FLNB: variants seen among roughly 807,000 people sequenced by gnomAD.
The protein encoded by FLNB is filamin B.
In FLNB, 111 loss-of-function variants were observed where a neutral mutation model predicts 250.6. The observed-to-expected ratio is 0.44, with a 90% CI of 0.38 to 0.52. The LOEUF (loss-of-function observed/expected upper bound fraction) is 0.52. Among genes scored for constraint, FLNB ranks in the 20% least tolerant of loss-of-function variants. FLNB has a pLI of 0.00. For synonymous variants in FLNB, 1,302 were observed against 1,372.1 expected, an observed-to-expected ratio of 0.95 and a Z score of 1.13; for missense variants, 2,869 against 3,447.8, an observed-to-expected ratio of 0.83 and a Z score of 4.20.
chr3:58,057,798 A>AT (rs1398147969), intron 1 of FLNB, among the ~76,000 whole-genome samples: 10 of 151,248 alleles, frequency 6.6e-5, no homozygotes, highest in South Asian at 2.1e-4. Flanking sequence ...AGTCGAGTGG[A>AT]TTTTTTTTTG....
In FLNB at chr3:58,134,602, G is replaced by A. The variant is rs760134060; in HGVS notation, c.4515-14G>A. 1.9e-6 allele frequency: 3 copies of A among 1,613,706 alleles called. No homozygotes were observed. Among genetic ancestry groups the A allele is most frequent in the Non-Finnish European group, 2.5e-6 (3 of 1,179,640 alleles). On this transcript the variant is annotated splice_polypyrimidine_tract_variant and intron_variant, in intron 26 of 45. Transcript: ENST00000295956. ...TCTTTATTGACTAGGGTGTGTGTGTGTGTGTCTATCAAGTCCCTTCAAGGT... is the reference window on the plus strand; with the variant it reads ...TCTTTATTGACTAGGGTGTGTGTGTATGTGTCTATCAAGTCCCTTCAAGGT...
Position 58,125,612 on chromosome 3 carries a change from C to T in FLNB, c.3930C>T (p.Asp1310=), listed in dbSNP as rs150901141. 6.0e-5 allele frequency: 97 copies of T among 1,614,158 alleles called. No homozygotes were observed. The highest frequency in any genetic ancestry group is 6.9e-5 in the Non-Finnish European group (82 of 1,180,036). ...ATGTAGTGGAGGTGACATATGATGA[C>T]GTGCCTATCCCAAACAGTCCCTTCA... ...GLHVVEVTYD[D]VPIPNSPFKV... Residue 1310 remains aspartate, a synonymous_variant, in exon 23 of 46, where the codon GAC becomes GAT. Coordinates refer to ENST00000295956, the MANE Select transcript of FLNB (RefSeq NM_001457.4).
At chr3:58,081,521 C>T in intron 3 of FLNB, 108 bp from the exon 4 acceptor site, 1 of 1,007,068 alleles carries the variant, frequency 9.9e-7, no homozygotes, top group African/African-American at 1.6e-5. Context: ...GAGAAGCTGA[C>T]TCAGTTTCTT....
At chr3:58,155,724 G>A (rs2097352327) in intron 40 of FLNB, among the ~76,000 whole-genome samples, 1 of 152,180 alleles carries the variant, frequency 6.6e-6, no homozygotes, top group Non-Finnish European at 1.5e-5. Flanking sequence ...TGGATCTGCT[G>A]AATTCAATAC....
At chr3:58,116,689 C>T (rs564525842) in intron 18 of FLNB, among the ~76,000 whole-genome samples, 3 of 152,288 alleles carry the variant, frequency 2.0e-5, no homozygotes, top group African/African-American at 7.2e-5. Flanking sequence ...GTCAAAGACT[C>T]GGTTTTATAG....
At position 58,170,633 on chromosome 3, in the gene FLNB, C is replaced by T. The variant is rs145295889; in HGVS notation, c.7680C>T (p.Ser2560=). 6.8e-6 allele frequency: 11 copies of T among 1,614,114 alleles called. No individual in the cohort carries two copies. The African/African-American group carries it at 1.2e-4, about 18-fold the overall frequency. Residue 2560 remains serine (S), a synonymous_variant, in exon 46 of 46, where the codon TCC becomes TCT. Transcript: ENST00000295956. The part of the protein sequence containing the change: ...HGPTTPCEEV[S]MKHVGNQQYN... ...CCACCACCCCCTGCGAGGAGGTCTC[C>T]ATGAAGCATGTAGGCAACCAGCAAT...
chr3:58,068,456 TG>T (rs2097189177), intron 1 of FLNB, among the ~76,000 whole-genome samples: 1 of 152,160 alleles, frequency 6.6e-6, no homozygotes, highest in African/African-American at 2.4e-5. Context: ...ACACTGGTCC[TG>T]GGCAGCTGAC....
intron 1 of FLNB, among the ~76,000 whole-genome samples, chr3:58,019,703 T>A (rs1400037749): frequency 6.6e-6 from 1 of 152,238 alleles, no homozygotes. Flanking sequence ...TTTGCTTTGC[T>A]CCAAACTTTA....
At chr3:58,038,849 G>T (rs2097141902) in intron 1 of FLNB, among the ~76,000 whole-genome samples, 1 of 152,118 alleles carries the variant, frequency 6.6e-6, no homozygotes, top group Admixed American at 6.5e-5. Flanking sequence ...GGCACCCAGT[G>T]CATAGAAGAG....
rs1041952767 is a variant in FLNB, at chr3:58,163,615, A to T, written c.7198+285A>T. 9 of 467,352 alleles carry T rather than the reference A, an allele frequency of 1.9e-5. No individual in the cohort carries two copies. The Admixed American group carries it at 3.1e-4, about 16-fold the overall frequency. 29.0% of individuals were successfully genotyped at this position (467,352 alleles called of 1,614,324 possible). A position where few individuals can be genotyped will look rare whatever the true frequency, so the allele number is the denominator to read the frequency against. ...CAAGTTTCTTGACTTTCAGAACAGG[A>T]TGCTGATAGTCAGGGAACACAGCAC... On this transcript the variant is annotated intron_variant, in intron 43 of 45. Coordinates refer to ENST00000295956, the MANE Select transcript of FLNB (RefSeq NM_001457.4).
intron 1 of FLNB, among the ~76,000 whole-genome samples, chr3:58,023,766 T>G (rs1480617053): frequency 6.6e-6 from 1 of 152,224 alleles, no homozygotes; most frequent in African/African-American, 2.4e-5. Context: ...GAAATATGTT[T>G]GGTCAACCAC....
intron 39 of FLNB, among the ~76,000 whole-genome samples, chr3:58,154,088 T>A (rs940788650): frequency 6.6e-5 from 10 of 152,364 alleles, no homozygotes; most frequent in Non-Finnish European, 1.2e-4. Flanking sequence ...ATTCATTTTT[T>A]AAATTTTTTA....
intron 1 of FLNB, among the ~76,000 whole-genome samples, chr3:58,036,776 T>G: frequency 6.6e-6 from 1 of 152,328 alleles, no homozygotes; most frequent in East Asian, 1.9e-4. Flanking sequence ...AGTGAAACCA[T>G]AAACTAAATT....
chr3:58,011,159 C>T (rs982282151), intron 1 of FLNB, among the ~76,000 whole-genome samples: 21 of 152,204 alleles, frequency 1.4e-4, no homozygotes, highest in African/African-American at 7.2e-5. Context: ...ATGATATGCC[C>T]GCCTCGGCCT....
chr3:58,060,181 G>C (rs1559664547), intron 1 of FLNB, among the ~76,000 whole-genome samples: 1 of 152,024 alleles, frequency 6.6e-6, no homozygotes, highest in South Asian at 2.1e-4. Context: ...AAGGGAGTTA[G>C]GAAGGTGGGT....
chr3:58,157,052 C>T (rs2097354491), intron 41 of FLNB, among the ~76,000 whole-genome samples: 1 of 152,176 alleles, frequency 6.6e-6, no homozygotes, highest in Non-Finnish European at 1.5e-5. Flanking sequence ...TTGTGGCACA[C>T]GGTTGCATAG....
intron 25 of FLNB, chr3:58,132,137 A>T (rs1426989485): frequency 1.5e-5 from 11 of 716,150 alleles, no homozygotes; most frequent in Non-Finnish European, 2.7e-5. Context: ...CCATCCTTTG[A>T]TTAACCTACC....
intron 43 of FLNB, among the ~76,000 whole-genome samples, chr3:58,166,290 A>G (rs2097370396): frequency 1.3e-5 from 2 of 152,176 alleles, no homozygotes; most frequent in South Asian, 4.1e-4. Flanking sequence ...TGGTTGGTCA[A>G]AATATTGCAT....
At chr3:58,014,587 G>A (rs918437629) in intron 1 of FLNB, among the ~76,000 whole-genome samples, 16 of 152,224 alleles carry the variant, frequency 1.1e-4, no homozygotes, top group Non-Finnish European at 7.3e-5. Flanking sequence ...GTTTTGTGCT[G>A]TGAGGCAGGT....
Sources: gnomAD v4.1 joint callset for allele counts (sites outside exome capture counted in the v4.1 genomes callset) on GRCh38, gnomAD v4.1.1 for gene constraint, MANE v1.5 for transcripts, NCBI Gene and HGNC (gene_info 2026-07-23, HGNC 2026-07-21) for gene names.